Variants in GRAMD1B observed in about 807,000 individuals in gnomAD.
GRAMD1B encodes protein Aster-B.
In GRAMD1B, 37 loss-of-function variants were observed where a neutral mutation model predicts 99.7. The ratio of observed to expected loss-of-function variants is 0.37; its 90% confidence interval spans 0.29 to 0.49. The LOEUF is 0.49. Among genes scored for constraint, GRAMD1B ranks in the 20% least tolerant of loss-of-function variants. The pLI is 0.98. For missense variants in GRAMD1B, 888 were observed against 1,009.2 expected, an observed-to-expected ratio of 0.88 and a Z score of 1.63; for synonymous variants, 427 against 387.6, an observed-to-expected ratio of 1.10 and a Z score of -1.19.
chr11:123,394,025 A>T (rs1403502860), intron 1 of GRAMD1B, among the ~76,000 whole-genome samples: 1 of 152,024 alleles, frequency 6.6e-6, no homozygotes, highest in Non-Finnish European at 1.5e-5. Context: ...TCCTTATTCT[A>T]CTCTTTTGCA....
At chr11:123,597,199 A>C (rs367890626) in intron 7 of GRAMD1B, among the ~76,000 whole-genome samples, 1 of 149,012 alleles carries the variant, frequency 6.7e-6, no homozygotes, top group Non-Finnish European at 1.5e-5. Flanking sequence ...CTAGGCTCAA[A>C]GGATCCTCTA....
intron 2 of GRAMD1B, chr11:123,491,817 C>G (rs1938587010): frequency 1.5e-5 from 6 of 399,124 alleles, no homozygotes; most frequent in Non-Finnish European, 1.8e-5. Context: ...GAGGTCCCAG[C>G]TGCCATGTGG....
At chr11:123,454,254 A>G (rs1317169390) in intron 1 of GRAMD1B, 2 of 152,194 alleles carry the variant, frequency 1.3e-5, no homozygotes, top group Admixed American at 1.3e-4. Context: ...TCCTGTAGAT[A>G]CTCACTTCCT....
chr11:123,446,026 T>G (rs1227686625), intron 1 of GRAMD1B, among the ~76,000 whole-genome samples: 1 of 152,120 alleles, frequency 6.6e-6, no homozygotes, highest in Non-Finnish European at 1.5e-5. Flanking sequence ...ACCTAGTGGA[T>G]CTTTGTTTTT....
At chr11:123,557,944 A>G (rs1946321537) in intron 2 of GRAMD1B, among the ~76,000 whole-genome samples, 1 of 138,178 alleles carries the variant, frequency 7.2e-6, no homozygotes, top group Non-Finnish European at 1.6e-5. Flanking sequence ...CCCTGTGTCT[A>G]TGCCTTAATG....
Position 123,560,184 on chromosome 11 carries a change from T to C in GRAMD1B, c.453-17183T>C, listed in dbSNP as rs3895649. ...TAAACCGGCAGGCGACGTGTGTGCG[T>C]GTGTGCGCGTGTGCGTGTCTGCGCG... On this transcript the variant is annotated intron_variant, in intron 2 of 19. Transcript: ENST00000635736. 4.9e-4 allele frequency: 435 copies of C among 883,912 alleles called. 1 individual carries two copies. Among genetic ancestry groups the C allele is most frequent in the South Asian group, 6.5e-4 (13 of 19,942 alleles). The allele number at this position is 883,912 out of a possible 1,614,324, so 54.8% of individuals were successfully genotyped here.
chr11:123,426,257 G>C (rs765440226), upstream of GRAMD1B, among the ~76,000 whole-genome samples: 2 of 152,164 alleles, frequency 1.3e-5, no homozygotes, highest in Admixed American at 6.5e-5. Context: ...GTAGGCTCCA[G>C]TTACCTTTAA....
At chr11:123,392,243 G>A (rs567362959) in intron 1 of GRAMD1B, among the ~76,000 whole-genome samples, 10 of 152,090 alleles carry the variant, frequency 6.6e-5, no homozygotes, top group South Asian at 2.1e-4. Flanking sequence ...TCTCCAGATC[G>A]TATGTCTTTG....
intron 16 of GRAMD1B, 142 bp from the exon 17 acceptor site, chr11:123,614,603 A>C (rs1228643821): frequency 5.3e-6 from 3 of 562,226 alleles, no homozygotes; most frequent in Non-Finnish European, 9.8e-6. Context: ...GAGAGCTGGC[A>C]GTCTCCGCAT....
At chr11:123,364,100 A>G (rs1023424731) in intron 1 of GRAMD1B, among the ~76,000 whole-genome samples, 2 of 152,120 alleles carry the variant, frequency 1.3e-5, no homozygotes, top group African/African-American at 4.8e-5. Context: ...TTTTCCTTAT[A>G]TATTGAAGGG....
Position 123,610,181 on chromosome 11 carries a change from C to T in GRAMD1B, c.1777-15C>T. On this transcript the variant is annotated splice_polypyrimidine_tract_variant and intron_variant, in intron 13 of 19. Transcript: ENST00000635736. This position sits in a 1 kb window ranked among gnomAD's most constrained non-coding sequence, Gnocchi z 4.1. ...TCCTCTTCAGTTTTGTCCAATGGAC[C>T]TTTCCTGCCCGCAGACCATGTACAA... 6.2e-7 allele frequency: 1 copy of T among 1,613,680 alleles called. No individual in the cohort carries two copies. Among genetic ancestry groups the T allele is most frequent in the South Asian group, 1.1e-5 (1 of 91,056 alleles).
At chr11:123,540,023 A>G (rs1455241477) in intron 2 of GRAMD1B, among the ~76,000 whole-genome samples, 1 of 151,516 alleles carries the variant, frequency 6.6e-6, no homozygotes, top group Non-Finnish European at 1.5e-5. Context: ...GTCTTTTATA[A>G]CATATTAAAT....
At position 123,479,121 on chromosome 11, in the gene GRAMD1B, GAAGGGAAGGAGA is replaced by G. The variant is rs564937555; in HGVS notation, c.375-1688_375-1677del. On this transcript the variant is annotated intron_variant, in intron 1 of 19. Coordinates refer to ENST00000635736, the MANE Select transcript of GRAMD1B (RefSeq NM_001387025.1). ...ACGAGCTGTAAAAACGTGCTGCATG[GAAGGGAAGGAGA>G]AAGGGATTCCGTACACAGTGAGTTC... Among the ~76,000 whole-genome samples the G allele has an allele frequency of 1.1e-4, 17 of 152,360 alleles. No individual in the cohort carries two copies. The East Asian group carries it at 3.3e-3, about 29-fold the overall frequency.
At chr11:123,426,183 G>A (rs1246501032), upstream of GRAMD1B, among the ~76,000 whole-genome samples, 1 of 152,180 alleles carries the variant, frequency 6.6e-6, no homozygotes, top group Non-Finnish European at 1.5e-5. Context: ...GGGTCTTAGA[G>A]ACCCACAGTA....
At chr11:123,594,218 G>C in intron 5 of GRAMD1B, 52 bp downstream of exon 5, 4 of 1,250,924 alleles carry the variant, frequency 3.2e-6, no homozygotes, top group Non-Finnish European at 4.7e-6. Flanking sequence ...GGAGCCCCCG[G>C]CATAGCACTC....
At chr11:123,585,093 G>A (rs912842144) in intron 4 of GRAMD1B, among the ~76,000 whole-genome samples, 2 of 152,216 alleles carry the variant, frequency 1.3e-5, no homozygotes, top group African/African-American at 4.8e-5. Context: ...GACCTCAGAT[G>A]ACCCTCTTTG....
At chr11:123,390,223 T>C (rs1199859709) in intron 1 of GRAMD1B, among the ~76,000 whole-genome samples, 1 of 151,888 alleles carries the variant, frequency 6.6e-6, no homozygotes, top group East Asian at 1.9e-4. Context: ...TATTGATTTC[T>C]TTATACAAAA....
At chr11:123,521,673 C>A (rs1252612624) in intron 2 of GRAMD1B, among the ~76,000 whole-genome samples, 6 of 152,186 alleles carry the variant, frequency 3.9e-5, no homozygotes, top group Non-Finnish European at 8.8e-5. Flanking sequence ...CTCCTTTGTT[C>A]AACATCAAGG....
At chr11:123,580,415 G>A (rs1358727087) in intron 3 of GRAMD1B, among the ~76,000 whole-genome samples, 1 of 152,150 alleles carries the variant, frequency 6.6e-6, no homozygotes, top group Non-Finnish European at 1.5e-5. Context: ...TGATATTGTT[G>A]TAGCTGGTCC....
Sources: allele counts gnomAD v4.1 joint callset (sites outside exome capture counted in the v4.1 genomes callset), GRCh38; gene constraint gnomAD v4.1.1; non-coding constraint Gnocchi (gnomAD v3.1); transcripts MANE v1.5; gene names NCBI Gene and HGNC (gene_info 2026-07-23, HGNC 2026-07-21).